The following HS3ST5 variants were observed in gnomAD, a reference collection of about 807,000 sequenced individuals.
HS3ST5 encodes heparan sulfate glucosamine 3-O-sulfotransferase 5.
Under a neutral mutation model 25.4 loss-of-function variants are expected in HS3ST5, and 10 were observed. The ratio of observed to expected loss-of-function variants is 0.39; its 90% CI spans 0.24 to 0.67. The LOEUF (loss-of-function observed/expected upper bound fraction) is 0.67. Among genes scored for constraint, HS3ST5 ranks in the 30% least tolerant of loss-of-function variants. The probability of loss-of-function intolerance (pLI) is 0.44; values close to 1 mark genes in which losing one functional copy is unlikely to be tolerated. For missense variants in HS3ST5, 324 were observed against 420.7 expected, an observed-to-expected ratio of 0.77 and a Z score of 2.01; for synonymous variants, 170 against 162.4, an observed-to-expected ratio of 1.05 and a Z score of -0.36.
At chr6:114,088,031 A>T (rs1401154985) in intron 3 of HS3ST5, among the ~76,000 whole-genome samples, 1 of 152,230 alleles carries the variant, frequency 6.6e-6, no homozygotes, top group Admixed American at 6.5e-5. Context: ...ACATAGTATG[A>T]AAAAAAGAAT....
chr6:114,288,525 ACTTGTACCTTCCACTTACTGT>A (rs1408339366), intron 1 of HS3ST5, among the ~76,000 whole-genome samples: 1 of 151,910 alleles, frequency 6.6e-6, no homozygotes, highest in Non-Finnish European at 1.5e-5. Flanking sequence ...AACATAAGAG[ACTTGTACCTTCCACTTACTGT>A]CTCTTGGAAT....
intron 1 of HS3ST5, among the ~76,000 whole-genome samples, chr6:114,279,363 A>G (rs765427303): frequency 2.0e-5 from 3 of 152,084 alleles, no homozygotes; most frequent in Non-Finnish European, 4.4e-5. Context: ...AAATTGCACC[A>G]TGGGGTTCTG....
At chr6:114,098,249 A>G (rs1001487149) in intron 3 of HS3ST5, among the ~76,000 whole-genome samples, 1 of 151,946 alleles carries the variant, frequency 6.6e-6, no homozygotes, top group African/African-American at 2.4e-5. Context: ...TCTTTTATTT[A>G]AAACAAAAAA....
intron 2 of HS3ST5, among the ~76,000 whole-genome samples, chr6:114,213,231 G>A (rs1781591684): frequency 6.6e-6 from 1 of 151,226 alleles, no homozygotes; most frequent in Non-Finnish European, 1.5e-5. Context: ...TCTGACATCC[G>A]GCTGCTTCTC....
At chr6:114,182,582 T>G (rs1349603686) in intron 2 of HS3ST5, among the ~76,000 whole-genome samples, 4 of 152,174 alleles carry the variant, frequency 2.6e-5, no homozygotes, top group African/African-American at 9.7e-5. Flanking sequence ...GTTCTCCCAG[T>G]CTGTAATTCT....
chr6:114,283,700 G>T (rs1213808554), intron 1 of HS3ST5, among the ~76,000 whole-genome samples: 1 of 151,894 alleles, frequency 6.6e-6, no homozygotes, highest in Admixed American at 6.6e-5. Context: ...CGACAGGGAA[G>T]AAAAATATGT....
At chr6:114,270,020 C>G (rs1344224155) in intron 1 of HS3ST5, among the ~76,000 whole-genome samples, 1 of 152,172 alleles carries the variant, frequency 6.6e-6, no homozygotes, top group Admixed American at 6.5e-5. Flanking sequence ...TAGTATTGAT[C>G]TAGCATTACC....
intron 2 of HS3ST5, among the ~76,000 whole-genome samples, chr6:114,226,345 T>C (rs1319975384): frequency 6.6e-6 from 1 of 152,026 alleles, no homozygotes; most frequent in Non-Finnish European, 1.5e-5. Flanking sequence ...ATTATTTCGA[T>C]CTAATTGGAC....
intron 1 of HS3ST5, among the ~76,000 whole-genome samples, chr6:114,310,632 CTCTT>C (rs562395606): frequency 6.7e-4 from 101 of 151,706 alleles, no homozygotes; most frequent in African/African-American, 2.4e-3. Flanking sequence ...TATATAGATG[CTCTT>C]TGACTTGCAA....
At chr6:114,294,298 G>A (rs1316762374) in intron 1 of HS3ST5, among the ~76,000 whole-genome samples, 1 of 152,194 alleles carries the variant, frequency 6.6e-6, no homozygotes, top group Non-Finnish European at 1.5e-5. Flanking sequence ...TTTTGTTTCT[G>A]AGGTATTCAG....
At position 114,056,197 on chromosome 6, in the gene HS3ST5, G is replaced by A. The variant is rs1221802920; in HGVS notation, c.*1060C>T. 6.6e-6 allele frequency: 1 copy of A among 152,166 alleles called. No homozygotes were observed. Among genetic ancestry groups the A allele is most frequent in the Non-Finnish European group, 1.5e-5 (1 of 68,030 alleles). 9.4% of individuals were successfully genotyped at this position (152,166 alleles called of 1,614,324 possible). A position where few individuals can be genotyped will look rare whatever the true frequency, so the allele number is the denominator to read the frequency against. On this transcript the variant is annotated 3_prime_UTR_variant, in exon 5 of 5. Transcript: ENST00000312719. ...TCTCTTCCTGAGCAGCAGCAACTGCGAGTAAATTAATTGTTACAAAGTTGT... is the reference window on the plus strand; with the variant it reads ...TCTCTTCCTGAGCAGCAGCAACTGCAAGTAAATTAATTGTTACAAAGTTGT...
At chr6:114,230,138 T>C (rs1303550991) in intron 1 of HS3ST5, 2 of 148,344 alleles carry the variant, frequency 1.3e-5, no homozygotes, top group African/African-American at 5.0e-5. Flanking sequence ...TTTTTTTTTT[T>C]TTTTTTTTTG....
At chr6:114,227,188 C>A (rs1164994408) in intron 2 of HS3ST5, among the ~76,000 whole-genome samples, 1 of 143,710 alleles carries the variant, frequency 7.0e-6, no homozygotes, top group Non-Finnish European at 1.5e-5. Context: ...ATATTCAATT[C>A]TCTACATGTA....
At chr6:114,107,075 A>C (rs1428267709) in intron 3 of HS3ST5, among the ~76,000 whole-genome samples, 2 of 152,248 alleles carry the variant, frequency 1.3e-5, no homozygotes, top group Admixed American at 6.5e-5. Context: ...TTACTTACTA[A>C]AATTGAGTAA....
intron 2 of HS3ST5, among the ~76,000 whole-genome samples, chr6:114,194,949 C>T (rs1190421915): frequency 2.0e-5 from 3 of 152,210 alleles, no homozygotes; most frequent in African/African-American, 7.2e-5. Flanking sequence ...TTGCAGGCTG[C>T]AACTCTTTAT....
chr6:114,272,737 C>T (rs1773687536), intron 1 of HS3ST5, among the ~76,000 whole-genome samples: 1 of 152,066 alleles, frequency 6.6e-6, no homozygotes, highest in Admixed American at 6.6e-5. Context: ...ACATGCAGGG[C>T]AGGGCAATTA....
At chr6:114,065,598 G>T (rs1323339372) in intron 3 of HS3ST5, among the ~76,000 whole-genome samples, 1 of 152,166 alleles carries the variant, frequency 6.6e-6, no homozygotes, top group African/African-American at 2.4e-5. Flanking sequence ...TTTTCTACAG[G>T]TGATATTACT....
intron 1 of HS3ST5, among the ~76,000 whole-genome samples, chr6:114,320,986 A>G (rs1775949634): frequency 6.6e-6 from 1 of 150,516 alleles, no homozygotes; most frequent in Non-Finnish European, 1.5e-5. Context: ...CTAGTCTCGA[A>G]CTCCTGGCCT....
At chr6:114,210,255 AT>A (rs954904431) in intron 2 of HS3ST5, among the ~76,000 whole-genome samples, 2 of 152,162 alleles carry the variant, frequency 1.3e-5, no homozygotes, top group African/African-American at 4.8e-5. Flanking sequence ...TATATTCTAC[AT>A]TTTCATTACA....
Sources: gnomAD v4.1 joint callset for allele counts (sites outside exome capture counted in the v4.1 genomes callset) on GRCh38, gnomAD v4.1.1 for gene constraint, MANE v1.5 for transcripts, NCBI Gene and HGNC (gene_info 2026-07-23, HGNC 2026-07-21) for gene names.